The following PARD3B variants were observed in gnomAD, a reference collection of about 807,000 sequenced individuals.
PARD3B encodes partitioning defective 3 homolog B.
Under a neutral mutation model 130.2 loss-of-function variants are expected in PARD3B, and 103 were observed. The ratio of observed to expected loss-of-function variants is 0.79; its 90% CI spans 0.67 to 0.93. The LOEUF is 0.93. Ranked by LOEUF, PARD3B falls within the 40% of genes least tolerant of loss-of-function variation. The pLI is 0.00. For missense variants in PARD3B, 1,609 were observed against 1,499.2 expected (o/e 1.07, Z -1.21); for synonymous variants, 583 against 553.2 (o/e 1.05, Z -0.76).
intron 18 of PARD3B, among the ~76,000 whole-genome samples, chr2:205,368,602 A>T (rs1423566013): frequency 2.0e-5 from 3 of 152,222 alleles, no homozygotes; most frequent in Admixed American, 6.5e-5. Context: ...ACTGCACTCC[A>T]GCCTGGGCAA....
rs572796061 is a variant in PARD3B at position 205,458,556 on chromosome 2, G to A, written c.3044+17884G>A. On this transcript the variant is annotated intron_variant, in intron 20 of 22. Transcript: ENST00000406610. This position sits in a 1 kb window ranked among gnomAD's most constrained non-coding sequence, Gnocchi z 4.8. ...AATTTTCAGTTTTAGGTGTCTATTTGTTTGTTTTACCCTGAGATGCTACTT... is the reference window on the plus strand; with the variant it reads ...AATTTTCAGTTTTAGGTGTCTATTTATTTGTTTTACCCTGAGATGCTACTT... Among the ~76,000 whole-genome samples, 2 of 152,130 alleles carry A rather than the reference G, an allele frequency of 1.3e-5. No individual in the cohort carries two copies. The highest frequency in any genetic ancestry group is 1.3e-4 in the Admixed American group (2 of 15,268).
chr2:205,176,296 G>C lies in PARD3B; in HGVS notation c.1792-149G>C. On this transcript the variant is annotated intron_variant, in intron 12 of 22. Transcript: ENST00000406610. The surrounding 1 kb of genome is among the most constrained non-coding windows in gnomAD (Gnocchi z 5.3). ...AGACTCAAAGATGTTTTCACTGATA[G>C]GGCCATTTTGAGTTTCCACAGTTGA... The C allele has an allele frequency of 1.5e-6, 1 of 667,922 alleles. No individual in the cohort carries two copies. Among genetic ancestry groups the C allele is most frequent in the Non-Finnish European group, 2.3e-6 (1 of 425,550 alleles). 41.4% of individuals were successfully genotyped at this position (667,922 alleles called of 1,614,324 possible). A position where few individuals can be genotyped will look rare whatever the true frequency, so the allele number is the denominator to read the frequency against.
At chr2:205,517,321 C>G (rs866537711) in intron 21 of PARD3B, among the ~76,000 whole-genome samples, 5 of 151,820 alleles carry the variant, frequency 3.3e-5, no homozygotes, top group South Asian at 2.1e-4. Context: ...GTATATGTGT[C>G]CAGGAATCTA....
chr2:204,579,319 G>A (rs2032427663), intron 1 of PARD3B, among the ~76,000 whole-genome samples: 1 of 151,806 alleles, frequency 6.6e-6, no homozygotes, highest in African/African-American at 2.4e-5. Context: ...TAAGGCCAGG[G>A]TCCGGTCCCT....
intron 14 of PARD3B, among the ~76,000 whole-genome samples, chr2:205,188,977 C>A (rs1022784152): frequency 6.6e-6 from 1 of 151,994 alleles, no homozygotes; most frequent in Non-Finnish European, 1.5e-5. Context: ...ATGATTATTA[C>A]AGAAAAGTTT....
chr2:205,239,205 A>G (rs1415879425), intron 15 of PARD3B, among the ~76,000 whole-genome samples: 2 of 151,652 alleles, frequency 1.3e-5, no homozygotes, highest in East Asian at 1.9e-4. Flanking sequence ...AAAGCTTGGG[A>G]TCTTCCTTTT....
Position 205,301,273 on chromosome 2 carries a change from C to T in PARD3B, c.2393-191C>T, listed in dbSNP as rs1455683095. Among the ~76,000 whole-genome samples, 2 of 152,202 alleles carry T rather than the reference C, an allele frequency of 1.3e-5. No individual in the cohort carries two copies. Among genetic ancestry groups the T allele is most frequent in the African/African-American group, 2.4e-5 (1 of 41,458 alleles). ...CTAAGCAACCGGTTGTCCCCACTCC[C>T]AGCATCAAGTCTTGCTCGAAGTAAC... On this transcript the variant is annotated intron_variant, in intron 17 of 22. Transcript: ENST00000406610. The surrounding 1 kb of genome is among the most constrained non-coding windows in gnomAD (Gnocchi z 5.2).
At chr2:204,881,358 C>G (rs998803020) in intron 2 of PARD3B, among the ~76,000 whole-genome samples, 1 of 152,180 alleles carries the variant, frequency 6.6e-6, no homozygotes, top group Admixed American at 6.5e-5. Context: ...AAGTCAAGAT[C>G]TACACGTTGA....
chr2:204,966,914 T>A (rs1405395238), intron 3 of PARD3B, among the ~76,000 whole-genome samples: 3 of 152,220 alleles, frequency 2.0e-5, no homozygotes, highest in African/African-American at 7.2e-5. Flanking sequence ...TCGGCTTTTA[T>A]TATTTTTATC....
chr2:204,918,061 T>G (rs1048965708), intron 2 of PARD3B, among the ~76,000 whole-genome samples: 1 of 152,140 alleles, frequency 6.6e-6, no homozygotes, highest in Non-Finnish European at 1.5e-5. Context: ...TATATTCTTA[T>G]TAAGTTTTGA....
intron 21 of PARD3B, among the ~76,000 whole-genome samples, chr2:205,523,143 C>T (rs186315927): frequency 8.5e-4 from 128 of 150,888 alleles, no homozygotes; most frequent in Admixed American, 8.3e-3. Flanking sequence ...CTTGTCCTTT[C>T]TGTCATCTTG....
chr2:204,724,620 T>C (rs1398457909), intron 2 of PARD3B, among the ~76,000 whole-genome samples: 1 of 152,116 alleles, frequency 6.6e-6, no homozygotes, highest in Non-Finnish European at 1.5e-5. Flanking sequence ...GAATAATAGG[T>C]GTGCTGCATA....
intron 2 of PARD3B, among the ~76,000 whole-genome samples, chr2:204,924,771 A>G (rs1242670962): frequency 3.3e-5 from 5 of 152,082 alleles, no homozygotes; most frequent in Non-Finnish European, 7.4e-5. Flanking sequence ...ACAAACTGAA[A>G]TAAGTGAAAA....
chr2:204,795,516 T>G (rs1365179787), intron 2 of PARD3B, among the ~76,000 whole-genome samples: 1 of 152,172 alleles, frequency 6.6e-6, no homozygotes, highest in Admixed American at 6.5e-5. Context: ...GGGTCAAGGC[T>G]GACAGTAAGA....
At chr2:205,576,729 C>T (rs1322188596) in intron 22 of PARD3B, among the ~76,000 whole-genome samples, 1 of 152,124 alleles carries the variant, frequency 6.6e-6, no homozygotes, top group Non-Finnish European at 1.5e-5. Context: ...TGGCTATTAT[C>T]GGTTCTCTAA....
At position 205,253,607 on chromosome 2, in the gene PARD3B, C is replaced by T. The variant is rs1574511115; in HGVS notation, c.2185+7785C>T. 1.8e-5 allele frequency: 7 copies of T among 386,116 alleles called. No individual in the cohort carries two copies. The highest frequency in any genetic ancestry group is 4.1e-5 in the South Asian group (2 of 49,318). 23.9% of individuals were successfully genotyped at this position (386,116 alleles called of 1,614,324 possible). On this transcript the variant is annotated intron_variant, in intron 16 of 22. Transcript: ENST00000406610. This position sits in a 1 kb window ranked among gnomAD's most constrained non-coding sequence, Gnocchi z 4.4. ...CCCAGCAGAAAGACAGAGAAAGAAG[C>T]CTCCTTGGGGTTCCATTACCCACAC...
intron 19 of PARD3B, among the ~76,000 whole-genome samples, chr2:205,409,267 G>C (rs991107563): frequency 2.6e-5 from 4 of 152,044 alleles, no homozygotes; most frequent in African/African-American, 9.7e-5. Context: ...CCTAGAATGA[G>C]AATTAAAAAT....
At chr2:204,882,615 G>A (rs1216972451) in intron 2 of PARD3B, among the ~76,000 whole-genome samples, 1 of 152,126 alleles carries the variant, frequency 6.6e-6, no homozygotes, top group East Asian at 1.9e-4. Context: ...CTGGTTCTAT[G>A]GGCTACAAAC....
At chr2:205,084,786 C>T (rs1701640168) in intron 4 of PARD3B, among the ~76,000 whole-genome samples, 1 of 151,798 alleles carries the variant, frequency 6.6e-6, no homozygotes, top group Non-Finnish European at 1.5e-5. Flanking sequence ...TATTTATGGG[C>T]TCTTTAGTGT....
Sources: gnomAD v4.1 joint callset for allele counts (sites outside exome capture counted in the v4.1 genomes callset) on GRCh38, gnomAD v4.1.1 for gene constraint, Gnocchi (gnomAD v3.1) non-coding constraint, MANE v1.5 for transcripts, NCBI Gene and HGNC (gene_info 2026-07-23, HGNC 2026-07-21) for gene names.